RB1CC1: variants seen among roughly 807,000 people sequenced by gnomAD.
RB1CC1 encodes the protein RB1-inducible coiled-coil protein 1.
In RB1CC1, 46 loss-of-function variants were observed where a neutral mutation model predicts 177.5. That is an observed-to-expected ratio of 0.26 (90% CI 0.20 to 0.33). The LOEUF (loss-of-function observed/expected upper bound fraction) is 0.33. Among genes scored for constraint, RB1CC1 ranks in the 10% least tolerant of loss-of-function variants. The pLI is 1.00. For missense variants in RB1CC1, 1,703 were observed against 1,816.3 expected (o/e 0.94, Z 1.13); for synonymous variants, 666 against 613.6 (o/e 1.09, Z -1.26).
intron 8 of RB1CC1, among the ~76,000 whole-genome samples, chr8:52,665,593 T>G (rs1205598000): frequency 1.3e-5 from 2 of 152,180 alleles, no homozygotes; most frequent in Non-Finnish European, 2.9e-5. Context: ...GTTTGATTCA[T>G]TCTATGGAAG....
At position 52,656,996 on chromosome 8, in the gene RB1CC1, T is replaced by C. The variant is rs1221508248; in HGVS notation, c.2833A>G (p.Asn945Asp). Residue 945 changes from asparagine to aspartate, a missense_variant, in exon 15 of 24, where the codon AAT becomes GAT. By Grantham distance (23) the Asn-to-Asp change is conservative. Around this residue, in one of 6 missense-constraint regions of RB1CC1, gnomAD observed 1,169 missense variants for 1,184.7 expected, o/e 0.99. Coordinates refer to ENST00000025008, the MANE Select transcript of RB1CC1 (RefSeq NM_014781.5). The part of the protein sequence containing the change: ...LEMENIMHSQ[N>D]CEIKELKQSR... The stretch of plus-strand genomic sequence containing the variant: ...TGCTTCAGTTCTTTAATTTCACAAT[T>C]TTGAGAGTGCATTATATTTTCCATC... 6.2e-7 allele frequency: 1 copy of C among 1,613,698 alleles called. No homozygotes were observed. The highest frequency in any genetic ancestry group is 8.5e-7 in the Non-Finnish European group (1 of 1,179,970).
intron 8 of RB1CC1, among the ~76,000 whole-genome samples, chr8:52,664,546 C>T (rs1851900411): frequency 6.6e-6 from 1 of 152,054 alleles, no homozygotes; most frequent in Non-Finnish European, 1.5e-5. Context: ...CAAAATACTA[C>T]AAATAAATTA....
At chr8:52,653,342 C>T (rs1850785192) in intron 15 of RB1CC1, among the ~76,000 whole-genome samples, 1 of 152,106 alleles carries the variant, frequency 6.6e-6, no homozygotes, top group Admixed American at 6.5e-5. Context: ...GGCACTTCAC[C>T]ACCAGAAACA....
chr8:52,673,610 T>C (rs1404965955), intron 7 of RB1CC1, among the ~76,000 whole-genome samples: 1 of 152,192 alleles, frequency 6.6e-6, no homozygotes, highest in African/African-American at 2.4e-5. Context: ...ATGTAAATTA[T>C]TCTTATTGCA....
intron 15 of RB1CC1, among the ~76,000 whole-genome samples, chr8:52,651,012 A>G (rs1006381454): frequency 1.3e-5 from 2 of 152,234 alleles, no homozygotes; most frequent in African/African-American, 4.8e-5. Context: ...AAATTGCCAG[A>G]TCTCTGGAGA....
At chr8:52,707,755 C>T (rs1856709644) in intron 1 of RB1CC1, among the ~76,000 whole-genome samples, 1 of 152,256 alleles carries the variant, frequency 6.6e-6, no homozygotes, top group Non-Finnish European at 1.5e-5. Context: ...TTGTCACCTC[C>T]GGTTCAGTAC....
chr8:52,656,332 A>G lies in RB1CC1; in HGVS notation c.3497T>C (p.Phe1166Ser), dbSNP rs1247271857. 1 of 1,612,590 alleles carries G rather than the reference A, an allele frequency of 6.2e-7. No individual in the cohort carries two copies. The highest frequency in any genetic ancestry group is 1.7e-5 in the Admixed American group (1 of 59,900). ...TTCTTTTAGGTTTTTTTCTATTTCA[A>G]ATGCTTGGTTATGCAAAGATGTTAC... ...NKVTSLHNQA[F>S]EIEKNLKEQI... Residue 1166 changes from phenylalanine to serine, a missense_variant, in exon 15 of 24, where the codon TTT becomes TCT. Physicochemically the swap from Phe to Ser is radical, Grantham distance 155 (BLOSUM62 -2). Transcript: ENST00000025008.
chr8:52,701,760 A>C (rs1856082058), intron 1 of RB1CC1, among the ~76,000 whole-genome samples: 1 of 149,620 alleles, frequency 6.7e-6, no homozygotes. Context: ...TCTCTTCTTT[A>C]CCTTAGCTCC....
At chr8:52,635,322 T>A (rs1219356497) in intron 19 of RB1CC1, among the ~76,000 whole-genome samples, 1 of 152,188 alleles carries the variant, frequency 6.6e-6, no homozygotes. Flanking sequence ...CATCTCAGGT[T>A]ATGCTGAGGT....
At chr8:52,646,737 T>C (rs1331263671) in intron 15 of RB1CC1, among the ~76,000 whole-genome samples, 1 of 152,180 alleles carries the variant, frequency 6.6e-6, no homozygotes, top group East Asian at 1.9e-4. Flanking sequence ...AATAGGACAA[T>C]GTAAGAAGAA....
chr8:52,671,495 C>T (rs1852595743), intron 7 of RB1CC1, among the ~76,000 whole-genome samples: 1 of 152,140 alleles, frequency 6.6e-6, no homozygotes, highest in South Asian at 2.1e-4. Flanking sequence ...AAATCTCATA[C>T]TCGGTTCATC....
chr8:52,657,826 G>C lies in RB1CC1; in HGVS notation c.2003C>G (p.Pro668Arg). 1 of 1,614,010 alleles carries C rather than the reference G, an allele frequency of 6.2e-7. No homozygotes were observed. Among genetic ancestry groups the C allele is most frequent in the Non-Finnish European group, 8.5e-7 (1 of 1,180,006 alleles). ...AACAGTCAGTGGTGGAGGAGTTCTC[G>C]GTGAGGTAGTAGTTGTAATTCCTGC... The part of the protein sequence containing the change: ...STAGITTTTS[P>R]RTPPPLTVQD... Residue 668 changes from proline to arginine, a missense_variant, in exon 15 of 24, where the codon CCG (proline) becomes CGG (arginine). Pro to Arg is a moderately radical substitution (Grantham distance 103). This residue lies in a region of RB1CC1 where 1,169 missense variants were observed against 1,184.7 expected (regional missense o/e 0.99). Transcript: ENST00000025008.
chr8:52,630,630 C>T (rs1024406257), intron 20 of RB1CC1, 102 bp from the exon 21 acceptor site: 2 of 1,237,296 alleles, frequency 1.6e-6, no homozygotes, highest in African/African-American at 3.2e-5. Flanking sequence ...AAGCCTGTGT[C>T]CAGCTTTAAA....
At chr8:52,707,437 T>C (rs1472592657) in intron 1 of RB1CC1, among the ~76,000 whole-genome samples, 5 of 149,574 alleles carry the variant, frequency 3.3e-5, no homozygotes, top group African/African-American at 7.4e-5. Context: ...TCTTTCTTTT[T>C]TTTTTTTTTT....
chr8:52,687,020 C>T (rs1282605040), intron 1 of RB1CC1, 53 bp from the exon 2 acceptor site: 1 of 450,126 alleles, frequency 2.2e-6, no homozygotes, highest in Non-Finnish European at 4.4e-6. Flanking sequence ...TACGAAACAA[C>T]ATATGGCTAT....
intron 1 of RB1CC1, among the ~76,000 whole-genome samples, chr8:52,709,806 C>T (rs887967773): frequency 2.6e-5 from 4 of 152,236 alleles, no homozygotes; most frequent in Admixed American, 2.6e-4. Flanking sequence ...AAGGGGGACA[C>T]CCCAATGACA....
At chr8:52,667,969 T>C (rs1206904569) in intron 8 of RB1CC1, 52 bp downstream of exon 8, 27 of 1,550,278 alleles carry the variant, frequency 1.7e-5, no homozygotes, top group Non-Finnish European at 2.4e-5. Context: ...ATAAAACATG[T>C]GTACAAAAAA....
chr8:52,699,126 G>T (rs913634769), intron 1 of RB1CC1, among the ~76,000 whole-genome samples: 27 of 152,134 alleles, frequency 1.8e-4, no homozygotes, highest in African/African-American at 6.5e-4. Context: ...AAAACATTTA[G>T]CTGCTGTCAG....
chr8:52,674,029 TCAG>T lies in RB1CC1; in HGVS notation c.815_817del (p.Ala272del), dbSNP rs1852844375. The T allele has an allele frequency of 1.2e-6, 2 of 1,614,212 alleles. No homozygotes were observed. Among genetic ancestry groups the T allele is most frequent in the Non-Finnish European group, 1.7e-6 (2 of 1,180,028 alleles). On this transcript the variant is annotated inframe_deletion, in exon 7 of 24. Coordinates refer to ENST00000025008, the MANE Select transcript of RB1CC1 (RefSeq NM_014781.5). Reference sequence around the variant, plus strand: ...AGATTCCCTAATTTCTTTGCCACTTTCAGCATCTGCGGTATCTGGGGACACATG... The same window carrying T: ...AGATTCCCTAATTTCTTTGCCACTTTCATCTGCGGTATCTGGGGACACATG...
Sources: gnomAD v4.1 joint callset for allele counts (sites outside exome capture counted in the v4.1 genomes callset) on GRCh38, gnomAD v4.1.1 for gene constraint, gnomAD v4.1.1 regional missense constraint, MANE v1.5 for transcripts, NCBI Gene and HGNC (gene_info 2026-07-23, HGNC 2026-07-21) for gene names.